The following TP63 variants were observed in gnomAD, a reference collection of about 807,000 sequenced individuals.
The protein encoded by TP63 is tumor protein p63.
TP63 carries 17 observed loss-of-function variants against 82.8 expected under a neutral mutation model. The ratio of observed to expected loss-of-function variants is 0.21; its 90% CI spans 0.14 to 0.31. The LOEUF is 0.31. Among genes scored for constraint, TP63 ranks in the 10% least tolerant of loss-of-function variants. TP63 has a pLI of 1.00. For synonymous variants in TP63, 330 were observed against 321.7 expected, an observed-to-expected ratio of 1.03 and a Z score of -0.28; for missense variants, 648 against 895.3, an observed-to-expected ratio of 0.72 and a Z score of 3.52.
At chr3:189,868,276 T>G (rs935800004) in intron 7 of TP63, among the ~76,000 whole-genome samples, 2 of 152,222 alleles carry the variant, frequency 1.3e-5, no homozygotes, top group Admixed American at 1.3e-4. Flanking sequence ...GGGGATTTTA[T>G]CCTTGAGACA....
intron 3 of TP63, among the ~76,000 whole-genome samples, chr3:189,752,266 T>C (rs1208299282): frequency 1.3e-5 from 2 of 152,072 alleles, no homozygotes; most frequent in Non-Finnish European, 2.9e-5. Context: ...CTCAACCTCC[T>C]AGGCTCACCT....
Position 189,889,360 on chromosome 3 carries a change from A to T in TP63, c.1528A>T (p.Met510Leu), listed in dbSNP as rs769778189. 3 of 1,614,016 alleles carry T rather than the reference A, an allele frequency of 1.9e-6. No homozygotes were observed. Among genetic ancestry groups the T allele is most frequent in the Non-Finnish European group, 2.5e-6 (3 of 1,180,020 alleles). Residue 510 changes from methionine (M) to leucine (L), a missense_variant, in exon 12 of 14, where the codon ATG becomes TTG. By Grantham distance (15) the Met-to-Leu change is conservative (BLOSUM62 2). Transcript: ENST00000264731. ...GANIPMMGTH[M>L]PMAGDMNGLS... Reference sequence around the variant, plus strand: ...TTCAGTTCCCATGATGGGCACCCACATGCCAATGGCTGGAGACATGAATGG... The same window carrying T: ...TTCAGTTCCCATGATGGGCACCCACTTGCCAATGGCTGGAGACATGAATGG...
chr3:189,639,418 C>T (rs1577157203), intron 1 of TP63, among the ~76,000 whole-genome samples: 1 of 149,486 alleles, frequency 6.7e-6, no homozygotes. Context: ...TTGCTCCATC[C>T]TTATTTTTAT....
intron 1 of TP63, among the ~76,000 whole-genome samples, chr3:189,706,569 A>C (rs1266173270): frequency 1.3e-5 from 2 of 151,958 alleles, no homozygotes; most frequent in Non-Finnish European, 2.9e-5. Context: ...TTTACTTCTT[A>C]ATTCTGTTTT....
intron 1 of TP63, among the ~76,000 whole-genome samples, chr3:189,632,994 G>A (rs1729554439): frequency 6.6e-6 from 1 of 151,984 alleles, no homozygotes; most frequent in East Asian, 1.9e-4. Flanking sequence ...CTAGGTACTT[G>A]GAACCAGGGA....
In TP63 at chr3:189,631,511, A is replaced by G; in HGVS notation, c.-5A>G. ...GTTCGTTGATATCAAAGACAGTTGA[A>G]GGAAATGAATTTTGAAACTTCACGG... is the stretch of plus-strand genomic sequence containing the variant. On this transcript the variant is annotated 5_prime_UTR_variant, in exon 1 of 14. Transcript: ENST00000264731. 6.2e-7 allele frequency: 1 copy of G among 1,612,638 alleles called. No homozygotes were observed. Among genetic ancestry groups the G allele is most frequent in the Non-Finnish European group, 8.5e-7 (1 of 1,178,916 alleles).
At chr3:189,887,926 G>A (rs577747920) in intron 11 of TP63, among the ~76,000 whole-genome samples, 4 of 148,526 alleles carry the variant, frequency 2.7e-5, no homozygotes, top group East Asian at 2.0e-4. Context: ...GCGCAATCTC[G>A]GCTCACTGTA....
the TP63 span, among the ~76,000 whole-genome samples, chr3:189,600,550 C>G: frequency 3.9e-5 from 6 of 152,126 alleles, no homozygotes; most frequent in Non-Finnish European, 7.4e-5. Context: ...TAGTAAGTAT[C>G]AGAGGTGAAA....
chr3:189,844,250 C>A, intron 4 of TP63: 1 of 413,534 alleles, frequency 2.4e-6, no homozygotes, highest in Admixed American at 2.5e-5. Context: ...CAGCTCACTG[C>A]AACCTCCACC....
the TP63 span, among the ~76,000 whole-genome samples, chr3:189,600,502 G>T: frequency 6.6e-6 from 1 of 152,124 alleles, no homozygotes; most frequent in East Asian, 1.9e-4. Context: ...AAAAACCAAA[G>T]CACTAAGGTT....
chr3:189,804,067 T>C (rs1373342251), intron 3 of TP63, among the ~76,000 whole-genome samples: 1 of 152,176 alleles, frequency 6.6e-6, no homozygotes, highest in Non-Finnish European at 1.5e-5. Context: ...ACCTAAGAAA[T>C]ACATGCATAT....
chr3:189,658,173 A>G (rs996229812), intron 1 of TP63, among the ~76,000 whole-genome samples: 1 of 152,108 alleles, frequency 6.6e-6, no homozygotes, highest in African/African-American at 2.4e-5. Flanking sequence ...CCAACCCACA[A>G]AAAGGGAATG....
chr3:189,718,345 TCAGA>T (rs1166862252), intron 1 of TP63, among the ~76,000 whole-genome samples: 2 of 151,614 alleles, frequency 1.3e-5, no homozygotes, highest in African/African-American at 2.4e-5. Context: ...TTTGATTGAC[TCAGA>T]CAGAGTTTCA....
In TP63 at chr3:189,851,812, G is replaced by T. The variant is rs142506408; in HGVS notation, c.580-12420G>T. ...TGGGTGAAAGTCCCAAGGCCACCCC[G>T]TGAAGGTGAAAGTTCCATGGCAGGT... On this transcript the variant is annotated intron_variant, in intron 4 of 13. Coordinates refer to ENST00000264731, the MANE Select transcript of TP63 (RefSeq NM_003722.5). Among the ~76,000 whole-genome samples, 263 of 152,184 alleles carry T rather than the reference G, an allele frequency of 1.7e-3. 7 individuals are homozygous for T. In the East Asian group the frequency reaches 0.044, roughly 26 times the overall value.
At chr3:189,630,669 A>C (rs938607926), upstream of TP63, among the ~76,000 whole-genome samples, 1 of 152,136 alleles carries the variant, frequency 6.6e-6, no homozygotes, top group Non-Finnish European at 1.5e-5. Context: ...ATCTTTAAGA[A>C]AATTACTATA....
chr3:189,786,718 T>C (rs1724632072), intron 3 of TP63, among the ~76,000 whole-genome samples: 1 of 151,950 alleles, frequency 6.6e-6, no homozygotes, highest in Admixed American at 6.6e-5. Flanking sequence ...CTTTACGAAG[T>C]CTGAGGAAAT....
rs111477958 is a variant in TP63, at chr3:189,841,502, G to A, written c.580-22730G>A. ...AGTCTTCCGGTAAAAAGAATATCCC[G>A]CAGATACAAATTACCATTACTGGAA... On this transcript the variant is annotated intron_variant, in intron 4 of 13. Coordinates refer to ENST00000264731, the MANE Select transcript of TP63 (RefSeq NM_003722.5). 2.4e-3 allele frequency among the ~76,000 whole-genome samples: 365 copies of A among 152,208 alleles called. 3 individuals carry two copies. Among genetic ancestry groups the A allele is most frequent in the African/African-American group, 8.5e-3 (351 of 41,506 alleles).
intron 4 of TP63, among the ~76,000 whole-genome samples, chr3:189,820,108 C>G (rs1728646986): frequency 6.6e-6 from 1 of 152,128 alleles, no homozygotes; most frequent in Non-Finnish European, 1.5e-5. Context: ...GCAAATGTAA[C>G]AAAGGCATAT....
chr3:189,596,773 C>T, the TP63 span, among the ~76,000 whole-genome samples: 2 of 152,176 alleles, frequency 1.3e-5, no homozygotes, highest in African/African-American at 4.8e-5. Flanking sequence ...ACCTTCCACA[C>T]TGTGGAAGCT....
Sources: allele counts gnomAD v4.1 joint callset (sites outside exome capture counted in the v4.1 genomes callset), GRCh38; gene constraint gnomAD v4.1.1; transcripts MANE v1.5; gene names NCBI Gene and HGNC (gene_info 2026-07-23, HGNC 2026-07-21).